Variants in RIMS1 observed in about 807,000 individuals in gnomAD.
RIMS1 encodes the protein regulating synaptic membrane exocytosis 1.
A neutral mutation model predicts 214.1 loss-of-function variants in RIMS1; 83 were observed. That is an observed-to-expected ratio of 0.39 (90% confidence interval 0.32 to 0.47). The LOEUF (loss-of-function observed/expected upper bound fraction) is 0.47. Among genes scored for constraint, RIMS1 ranks in the 20% least tolerant of loss-of-function variants. The probability of loss-of-function intolerance (pLI) is 0.99; values close to 1 mark genes in which losing one functional copy is unlikely to be tolerated. For missense variants in RIMS1, 2,050 were observed against 2,161.8 expected (o/e 0.95, Z 1.03); for synonymous variants, 793 against 786.8 (o/e 1.01, Z -0.13).
chr6:72,192,274 T>C (rs1361093187), intron 6 of RIMS1, among the ~76,000 whole-genome samples: 1 of 152,224 alleles, frequency 6.6e-6, no homozygotes, highest in Non-Finnish European at 1.5e-5. Flanking sequence ...AGCCAGTGTC[T>C]GGTAGTTCCT....
intron 2 of RIMS1, among the ~76,000 whole-genome samples, chr6:71,999,144 A>G (rs1028048382): frequency 1.3e-5 from 2 of 152,160 alleles, no homozygotes; most frequent in Non-Finnish European, 2.9e-5. Context: ...CACCTAATCA[A>G]AATCTAATTT....
chr6:72,082,937 C>T (rs1479773800), intron 2 of RIMS1, among the ~76,000 whole-genome samples: 1 of 152,078 alleles, frequency 6.6e-6, no homozygotes, highest in Non-Finnish European at 1.5e-5. Flanking sequence ...GGTTGAAGAG[C>T]TTTATAGGAC....
At chr6:72,058,812 GT>G (rs1295574749) in intron 2 of RIMS1, among the ~76,000 whole-genome samples, 1 of 152,120 alleles carries the variant, frequency 6.6e-6, no homozygotes, top group African/African-American at 2.4e-5. Flanking sequence ...CGGGAAAAAT[GT>G]TTTGCTTCAC....
intron 4 of RIMS1, among the ~76,000 whole-genome samples, chr6:72,112,475 C>G (rs911476526): frequency 1.3e-5 from 2 of 152,152 alleles, no homozygotes; most frequent in Non-Finnish European, 2.9e-5. Context: ...ACCCAACACC[C>G]TGCATCATCT....
intron 28 of RIMS1, among the ~76,000 whole-genome samples, chr6:72,332,596 T>A (rs1471028893): frequency 6.8e-6 from 1 of 146,164 alleles, no homozygotes; most frequent in African/African-American, 2.5e-5. Context: ...AATGATGAGT[T>A]AATGGGTGCA....
At chr6:72,152,480 T>A (rs1182769216) in intron 4 of RIMS1, among the ~76,000 whole-genome samples, 1 of 152,148 alleles carries the variant, frequency 6.6e-6, no homozygotes, top group Non-Finnish European at 1.5e-5. Flanking sequence ...TTAAGGCATT[T>A]TTTATGGTTC....
chr6:71,995,625 T>C (rs1405534569), intron 2 of RIMS1, among the ~76,000 whole-genome samples: 3 of 152,082 alleles, frequency 2.0e-5, no homozygotes, highest in Non-Finnish European at 2.9e-5. Flanking sequence ...TTAGACAACA[T>C]AAATATACTT....
chr6:72,119,037 G>C (rs1430453525), intron 4 of RIMS1, among the ~76,000 whole-genome samples: 1 of 151,642 alleles, frequency 6.6e-6, no homozygotes, highest in Non-Finnish European at 1.5e-5. Flanking sequence ...TCAAACAGTT[G>C]CTGTTCGCCA....
At chr6:72,208,297 A>C (rs541898812) in intron 6 of RIMS1, among the ~76,000 whole-genome samples, 12 of 152,310 alleles carry the variant, frequency 7.9e-5, no homozygotes, top group Admixed American at 1.3e-4. Flanking sequence ...TATTGCCTAC[A>C]TTGTAATGTA....
At chr6:72,301,484 C>T (rs532111093) in intron 26 of RIMS1, among the ~76,000 whole-genome samples, 1 of 151,550 alleles carries the variant, frequency 6.6e-6, no homozygotes, top group South Asian at 2.1e-4. Flanking sequence ...TTTAACCAAC[C>T]ATGGATCAAA....
intron 4 of RIMS1, among the ~76,000 whole-genome samples, chr6:72,117,506 G>A (rs2037323184): frequency 6.6e-6 from 1 of 151,820 alleles, no homozygotes; most frequent in Non-Finnish European, 1.5e-5. Flanking sequence ...ATCAGCACAT[G>A]TAACATTCTC....
chr6:72,182,317 C>T lies in RIMS1; in HGVS notation c.846C>T (p.Gly282=), dbSNP rs2048512658. The change falls in exon 6 of 34, where the codon GGC becomes GGT. Residue 282 remains glycine (G), a synonymous_variant. Transcript: ENST00000521978. ...KKTPGLSEQN[G]KGALKSERKR... is the part of the protein sequence containing the mutation. The stretch of plus-strand genomic sequence containing the variant: ...CCCCAGGGCTTTCCGAGCAGAATGG[C>T]AAAGGAGCCCTGAAGAGCGAGCGGA... 6.2e-7 allele frequency: 1 copy of T among 1,606,944 alleles called. No individual in the cohort carries two copies. Among genetic ancestry groups the T allele is most frequent in the Non-Finnish European group, 8.5e-7 (1 of 1,176,618 alleles).
At chr6:72,140,655 A>C (rs1562409101) in intron 4 of RIMS1, among the ~76,000 whole-genome samples, 1 of 152,048 alleles carries the variant, frequency 6.6e-6, no homozygotes, top group Non-Finnish European at 1.5e-5. Flanking sequence ...GAGCCCTGTT[A>C]TGTGTGTTAG....
intron 2 of RIMS1, among the ~76,000 whole-genome samples, chr6:71,976,713 T>C (rs1311998796): frequency 6.6e-6 from 1 of 152,172 alleles, no homozygotes; most frequent in Non-Finnish European, 1.5e-5. Context: ...TCTGAGAGTT[T>C]TATACTTTTA....
intron 1 of RIMS1, among the ~76,000 whole-genome samples, chr6:71,937,434 A>T (rs1260700029): frequency 6.6e-6 from 1 of 151,998 alleles, no homozygotes; most frequent in Non-Finnish European, 1.5e-5. Flanking sequence ...TGTATTTTTT[A>T]TAGAGACAGG....
intron 6 of RIMS1, chr6:72,216,340 C>T (rs891239165): frequency 5.0e-5 from 21 of 423,800 alleles, no homozygotes; most frequent in Admixed American, 6.4e-5. Flanking sequence ...ATCAGAAATA[C>T]GAGCCACCTT....
chr6:72,326,785 A>G (rs549190535), intron 28 of RIMS1, among the ~76,000 whole-genome samples: 6 of 151,796 alleles, frequency 4.0e-5, no homozygotes, highest in East Asian at 1.9e-4. Flanking sequence ...TAAGGTTGCT[A>G]TTGTCTGAAT....
chr6:71,951,853 C>T (rs1240861920), intron 1 of RIMS1, among the ~76,000 whole-genome samples: 1 of 151,964 alleles, frequency 6.6e-6, no homozygotes, highest in Non-Finnish European at 1.5e-5. Context: ...AACCAAGCCT[C>T]GAACTCAAGT....
chr6:72,399,394 T>C (rs2098815086), intron 33 of RIMS1, among the ~76,000 whole-genome samples: 1 of 151,908 alleles, frequency 6.6e-6, no homozygotes, highest in African/African-American at 2.4e-5. Context: ...ACTAGATAGA[T>C]AGATGATAAA....
Sources: gnomAD v4.1 joint callset for allele counts (sites outside exome capture counted in the v4.1 genomes callset) on GRCh38, gnomAD v4.1.1 for gene constraint, MANE v1.5 for transcripts, NCBI Gene and HGNC (gene_info 2026-07-23, HGNC 2026-07-21) for gene names.